The following SLC47A2 variants were observed in gnomAD, a reference collection of about 807,000 sequenced individuals.
SLC47A2 encodes multidrug and toxin extrusion protein 2.
A neutral mutation model predicts 67.7 loss-of-function variants in SLC47A2; 52 were observed. That is an observed-to-expected ratio of 0.77 (90% CI 0.61 to 0.97). SLC47A2 has a LOEUF of 0.97. SLC47A2 is among the 50% of genes least tolerant of loss of function. The pLI is 0.00. For missense variants in SLC47A2, 676 were observed against 712.3 expected, an observed-to-expected ratio of 0.95 and a Z score of 0.58; for synonymous variants, 278 against 292.9, an observed-to-expected ratio of 0.95 and a Z score of 0.52.
At chr17:19,715,028 C>A (rs962408612) in intron 2 of SLC47A2, 88 bp downstream of exon 2, 2 of 1,437,164 alleles carry the variant, frequency 1.4e-6, no homozygotes, top group African/African-American at 2.8e-5. Flanking sequence ...CCATCCCTGA[C>A]CAGCCACCCA....
chr17:19,695,840 C>T (rs537229020), intron 13 of SLC47A2, among the ~76,000 whole-genome samples: 12 of 151,988 alleles, frequency 7.9e-5, no homozygotes, highest in African/African-American at 2.9e-4. Flanking sequence ...TTTCCTGCCT[C>T]AGCCTCCTGA....
At chr17:19,709,440 A>T (rs1394391925) in intron 5 of SLC47A2, among the ~76,000 whole-genome samples, 1 of 152,128 alleles carries the variant, frequency 6.6e-6, no homozygotes, top group Admixed American at 6.5e-5. Flanking sequence ...ACTTATTTTC[A>T]GCATAGTGTA....
intron 15 of SLC47A2, among the ~76,000 whole-genome samples, chr17:19,680,432 A>G (rs1330027883): frequency 6.6e-6 from 1 of 152,178 alleles, no homozygotes; most frequent in Non-Finnish European, 1.5e-5. Context: ...TTGAGCCGAG[A>G]TTGTACCACT....
intron 13 of SLC47A2, among the ~76,000 whole-genome samples, chr17:19,687,622 A>G (rs1019306293): frequency 1.7e-4 from 26 of 152,276 alleles, no homozygotes; most frequent in African/African-American, 6.0e-4. Context: ...TGAAGAAAAA[A>G]AAGAGAAAAG....
chr17:19,709,679 T>A lies in SLC47A2; in HGVS notation c.487-919A>T, dbSNP rs148150035. On this transcript the variant is annotated intron_variant, in intron 5 of 16. Transcript: ENST00000433844. ...TGCTTACCAAATGATATATGGGACA[T>A]TTAAGCATTCCAAGTGTTAGCCACT... Among the ~76,000 whole-genome samples the A allele has an allele frequency of 4.6e-4, 70 of 152,300 alleles. 1 individual carries two copies. The East Asian group carries it at 0.012, about 26-fold the overall frequency.
At chr17:19,715,026 G>T in intron 2 of SLC47A2, 90 bp downstream of exon 2, 1 of 1,432,148 alleles carries the variant, frequency 7.0e-7, no homozygotes, top group South Asian at 1.1e-5. Flanking sequence ...TCCCATCCCT[G>T]ACCAGCCACC....
At chr17:19,679,748 G>C (rs1021443338) in intron 16 of SLC47A2, among the ~76,000 whole-genome samples, 2 of 152,012 alleles carry the variant, frequency 1.3e-5, no homozygotes, top group Non-Finnish European at 2.9e-5. Flanking sequence ...AAGACTTGGT[G>C]TGGGGCCTGG....
At chr17:19,704,772 C>T (rs12602374) in intron 10 of SLC47A2, 1 of 1,257,320 alleles carries the variant, frequency 8.0e-7, no homozygotes. Flanking sequence ...TCACCCAGCT[C>T]TGGCCGACTG....
At chr17:19,714,650 A>T in intron 3 of SLC47A2, 71 bp downstream of exon 3, 1 of 1,584,444 alleles carries the variant, frequency 6.3e-7, no homozygotes, top group Non-Finnish European at 8.6e-7. Flanking sequence ...CCCACCTGCC[A>T]TCTCCATGGC....
chr17:19,700,968 G>A (rs2085771019), intron 13 of SLC47A2, among the ~76,000 whole-genome samples: 1 of 151,138 alleles, frequency 6.6e-6, no homozygotes, highest in South Asian at 2.1e-4. Flanking sequence ...AGGAGTTTGA[G>A]ACTAGCCTGG....
intron 13 of SLC47A2, among the ~76,000 whole-genome samples, chr17:19,694,050 T>C (rs1165959591): frequency 6.6e-6 from 1 of 152,132 alleles, no homozygotes; most frequent in Non-Finnish European, 1.5e-5. Flanking sequence ...AGAATAAAAT[T>C]CTTTGGGATA....
chr17:19,698,609 C>T (rs2085717269), intron 13 of SLC47A2, among the ~76,000 whole-genome samples: 1 of 152,126 alleles, frequency 6.6e-6, no homozygotes, highest in South Asian at 2.1e-4. Flanking sequence ...TTTGCCTCAG[C>T]CTCCCAAAGT....
intron 9 of SLC47A2, 96 bp downstream of exon 9, chr17:19,706,552 G>A: frequency 2.0e-6 from 2 of 997,406 alleles, no homozygotes; most frequent in Non-Finnish European, 2.9e-6. Flanking sequence ...TGGGGAGGGG[G>A]CTTCTGGGAT....
intron 13 of SLC47A2, among the ~76,000 whole-genome samples, chr17:19,694,827 A>AATCGCTTG (rs201308513): frequency 0.022 from 3,415 of 151,936 alleles, 68 homozygotes; most frequent in African/African-American, 0.051. Context: ...GAGGCAGAAG[A>AATCGCTTG]ATCGCTTGAA....
chr17:19,708,569 C>T, intron 6 of SLC47A2, 147 bp downstream of exon 6: 1 of 1,603,502 alleles, frequency 6.2e-7, no homozygotes, highest in Non-Finnish European at 8.5e-7. Context: ...TGCGGGAGGT[C>T]AGGATATGGC....
rs1396829518 is a variant in SLC47A2, at chr17:19,716,351, C to T, written c.123+82G>A. The stretch of plus-strand genomic sequence containing the variant: ...TTCTGGGGAAAATGTGAGCACATTT[C>T]TGGATCCTGCCTGCAAGGCAGACAC... On this transcript the variant is annotated intron_variant, in intron 1 of 16. Transcript: ENST00000433844. 4 of 1,493,528 alleles carry T rather than the reference C, an allele frequency of 2.7e-6. No homozygotes were observed. In the African/African-American group the frequency reaches 5.6e-5, roughly 21 times the overall value. 92.5% of individuals were successfully genotyped at this position (1,493,528 alleles called of 1,614,324 possible).
Position 19,714,967 on chromosome 17 carries a change from C to T in SLC47A2, c.225+149G>A, listed in dbSNP as rs574940744. On this transcript the variant is annotated intron_variant, in intron 2 of 16. Coordinates refer to ENST00000433844, the MANE Select transcript of SLC47A2 (RefSeq NM_001099646.3). ...GGCCAGACCGCCTCCATCTCCGGCC[C>T]TCAGGTTCCACCTGTGAAGGCAGCT... The T allele has an allele frequency of 7.2e-6, 9 of 1,243,782 alleles. No individual in the cohort carries two copies. The South Asian group carries it at 1.1e-4, about 15-fold the overall frequency. The allele number at this position is 1,243,782 out of a possible 1,614,324, so 77.0% of individuals were successfully genotyped here.
chr17:19,716,718 C>G, upstream of SLC47A2: 1 of 1,083,158 alleles, frequency 9.2e-7, no homozygotes, highest in Middle Eastern at 3.1e-4. Context: ...TGAGCCCTGC[C>G]TCCTAGGGCA....
chr17:19,704,255 G>T, intron 10 of SLC47A2, 77 bp from the exon 11 acceptor site: 1 of 1,201,190 alleles, frequency 8.3e-7, no homozygotes, highest in Non-Finnish European at 1.2e-6. Context: ...CCTGGGCCAA[G>T]AGGGACGTGA....
Sources: gnomAD v4.1 joint callset for allele counts (sites outside exome capture counted in the v4.1 genomes callset) on GRCh38, gnomAD v4.1.1 for gene constraint, MANE v1.5 for transcripts, NCBI Gene and HGNC (gene_info 2026-07-23, HGNC 2026-07-21) for gene names.